The following ZZZ3 variants were observed in gnomAD, a reference collection of about 807,000 sequenced individuals.
ZZZ3 encodes zinc finger ZZ-type containing 3, also known as ZZ-type zinc finger-containing protein 3.
In ZZZ3, 22 loss-of-function variants were observed where a neutral mutation model predicts 95.2. The observed-to-expected ratio is 0.23, with a 90% CI of 0.17 to 0.33. The LOEUF is 0.33. ZZZ3 is among the 10% of genes least tolerant of loss of function. The pLI, the probability that ZZZ3 is intolerant of heterozygous loss-of-function variation, is 1.00. For synonymous variants in ZZZ3, 335 were observed against 358.9 expected (o/e 0.93, Z 0.75); for missense variants, 885 against 1,066.5 (o/e 0.83, Z 2.37).
At chr1:77,601,015 A>G (rs1664679882) in intron 5 of ZZZ3, among the ~76,000 whole-genome samples, 1 of 152,184 alleles carries the variant, frequency 6.6e-6, no homozygotes, top group South Asian at 2.1e-4. Context: ...AACAAGAAGA[A>G]TGGATTAGAA....
chr1:77,599,126 T>TTAAA (rs535666904), intron 5 of ZZZ3, among the ~76,000 whole-genome samples: 5 of 152,030 alleles, frequency 3.3e-5, no homozygotes, highest in South Asian at 4.1e-4. Flanking sequence ...TAAAGAGTAT[T>TTAAA]TAAATAAATA....
chr1:77,668,780 C>G (rs1000493296), intron 1 of ZZZ3, among the ~76,000 whole-genome samples: 1 of 152,038 alleles, frequency 6.6e-6, no homozygotes, highest in Non-Finnish European at 1.5e-5. Flanking sequence ...GTCCATTTGC[C>G]CAAAACAGAT....
At chr1:77,586,555 A>G (rs952033372) in intron 5 of ZZZ3, among the ~76,000 whole-genome samples, 6 of 152,184 alleles carry the variant, frequency 3.9e-5, no homozygotes, top group African/African-American at 1.2e-4. Context: ...AATTACCACA[A>G]TTTTACAGTA....
At chr1:77,582,240 T>C in intron 6 of ZZZ3, 114 bp from the exon 7 acceptor site, 1 of 826,710 alleles carries the variant, frequency 1.2e-6, no homozygotes. Context: ...CAATGGGGCA[T>C]TTCTATTCAT....
At chr1:77,660,306 A>G (rs1670669918) in intron 1 of ZZZ3, among the ~76,000 whole-genome samples, 1 of 152,114 alleles carries the variant, frequency 6.6e-6, no homozygotes, top group Non-Finnish European at 1.5e-5. Context: ...TCATAATGCA[A>G]TCATCACTAC....
chr1:77,631,011 A>C (rs1667756991), intron 5 of ZZZ3, among the ~76,000 whole-genome samples: 1 of 152,222 alleles, frequency 6.6e-6, no homozygotes, highest in Non-Finnish European at 1.5e-5. Flanking sequence ...TATTGTTGCT[A>C]ATCATGATAT....
At chr1:77,580,916 G>A (rs1371374145) in intron 9 of ZZZ3, 82 bp downstream of exon 9, 2 of 1,195,506 alleles carry the variant, frequency 1.7e-6, no homozygotes, top group African/African-American at 1.5e-5. Flanking sequence ...GTGAGCCACT[G>A]GACCTGGCCT....
intron 5 of ZZZ3, among the ~76,000 whole-genome samples, chr1:77,594,921 CAAAAAAAA>C (rs371690201): frequency 2.8e-3 from 226 of 80,724 alleles, no homozygotes; most frequent in African/African-American, 0.01. Context: ...TTGACAGGCC[CAAAAAAAA>C]AAAAAAAAAA....
intron 5 of ZZZ3, among the ~76,000 whole-genome samples, chr1:77,608,672 C>T (rs72683652): frequency 0.012 from 1,787 of 152,052 alleles, 8 homozygotes; most frequent in Non-Finnish European, 0.018. Context: ...ATGAACCAGT[C>T]AAAAATGACT....
At chr1:77,643,114 T>C (rs1284412752) in intron 1 of ZZZ3, among the ~76,000 whole-genome samples, 1 of 151,390 alleles carries the variant, frequency 6.6e-6, no homozygotes, top group African/African-American at 2.4e-5. Flanking sequence ...CTAGGGAGGA[T>C]CCTTAGAGGG....
intron 1 of ZZZ3, among the ~76,000 whole-genome samples, chr1:77,672,202 G>A (rs894062535): frequency 1.3e-5 from 2 of 152,204 alleles, no homozygotes; most frequent in African/African-American, 4.8e-5. Context: ...AGCTCCGAGT[G>A]CAGTGTGAAA....
At chr1:77,602,409 TTTGA>T (rs1664816749) in intron 5 of ZZZ3, among the ~76,000 whole-genome samples, 1 of 152,178 alleles carries the variant, frequency 6.6e-6, no homozygotes, top group African/African-American at 2.4e-5. Context: ...TGCATATTTG[TTTGA>T]TTGATAAAAT....
chr1:77,647,223 T>C (rs1001485836), intron 1 of ZZZ3, among the ~76,000 whole-genome samples: 6 of 152,070 alleles, frequency 3.9e-5, no homozygotes, highest in African/African-American at 1.2e-4. Flanking sequence ...GTTTCTACCA[T>C]AAGGACATAA....
intron 1 of ZZZ3, among the ~76,000 whole-genome samples, chr1:77,675,336 T>TA (rs1023086805): frequency 8.7e-5 from 13 of 148,820 alleles, no homozygotes; most frequent in South Asian, 2.1e-4. Flanking sequence ...TCTGACCAAT[T>TA]AAAAAAAAAA....
intron 1 of ZZZ3, among the ~76,000 whole-genome samples, chr1:77,653,566 C>T (rs928406127): frequency 1.3e-5 from 2 of 151,564 alleles, no homozygotes; most frequent in Non-Finnish European, 2.9e-5. Context: ...CCAGCCTGAC[C>T]GACATGGAGA....
intron 1 of ZZZ3, among the ~76,000 whole-genome samples, chr1:77,665,469 G>A (rs531255610): frequency 9.9e-5 from 15 of 152,220 alleles, no homozygotes; most frequent in East Asian, 5.8e-4. Flanking sequence ...TTGAAATTAC[G>A]TATATCAAAC....
intron 1 of ZZZ3, among the ~76,000 whole-genome samples, chr1:77,645,102 G>A (rs1421257388): frequency 6.6e-6 from 1 of 151,942 alleles, no homozygotes; most frequent in Non-Finnish European, 1.5e-5. Flanking sequence ...GGGCATGGTG[G>A]TGTGCACCTG....
chr1:77,653,613 C>T (rs1387962105), intron 1 of ZZZ3, among the ~76,000 whole-genome samples: 2 of 151,942 alleles, frequency 1.3e-5, no homozygotes, highest in African/African-American at 2.4e-5. Flanking sequence ...ATTAGCCAGG[C>T]GCAGTGGCAC....
At chr1:77,630,935 G>A (rs1667749010) in intron 5 of ZZZ3, among the ~76,000 whole-genome samples, 2 of 152,148 alleles carry the variant, frequency 1.3e-5, no homozygotes, top group Non-Finnish European at 2.9e-5. Flanking sequence ...ATCTGGTTGT[G>A]ATATTAATTC....
Sources: gnomAD v4.1 joint callset for allele counts (sites outside exome capture counted in the v4.1 genomes callset) on GRCh38, gnomAD v4.1.1 for gene constraint, MANE v1.5 for transcripts, NCBI Gene and HGNC (gene_info 2026-07-23, HGNC 2026-07-21) for gene names.